Variants in RPTOR observed in about 807,000 individuals in gnomAD.
RPTOR encodes regulatory associated protein of MTOR complex 1.
RPTOR carries 21 observed loss-of-function variants against 169.9 expected under a neutral mutation model. The observed-to-expected ratio is 0.12, with a 90% CI of 0.09 to 0.18. RPTOR has a LOEUF of 0.18. Ranked by LOEUF, RPTOR falls within the 10% of genes least tolerant of loss-of-function variation. RPTOR has a pLI of 1.00. For missense variants in RPTOR, 1,133 were observed against 1,855.9 expected (o/e 0.61, Z 7.16); for synonymous variants, 732 against 753.2 (o/e 0.97, Z 0.46).
rs146194437 is a variant in RPTOR at position 80,843,043 on chromosome 17, T to C, written c.1213-3430T>C. On this transcript the variant is annotated intron_variant, in intron 10 of 33. Coordinates refer to ENST00000306801, the MANE Select transcript of RPTOR (RefSeq NM_020761.3). Reference sequence around the variant, plus strand: ...AAGCTGGTAGACTAAGTCCCACAACTTCGTTTTTTTCCCCGAGTTTGCCTC... The same window carrying C: ...AAGCTGGTAGACTAAGTCCCACAACCTCGTTTTTTTCCCCGAGTTTGCCTC... 5.1e-3 allele frequency among the ~76,000 whole-genome samples: 771 copies of C among 152,314 alleles called. 12 individuals are homozygous for C. The highest frequency in any genetic ancestry group is 0.04 in the East Asian group (206 of 5,190).
intron 13 of RPTOR, among the ~76,000 whole-genome samples, chr17:80,877,484 T>A (rs117216288): frequency 0.061 from 9,290 of 152,324 alleles, 392 homozygotes; most frequent in Non-Finnish European, 0.096. Context: ...CACATCTAAG[T>A]TCTCCCACCC....
In RPTOR at chr17:80,685,641, T is replaced by TA. The variant is rs1371230762; in HGVS notation, c.349-22200_349-22199insA. 2.6e-4 allele frequency among the ~76,000 whole-genome samples: 24 copies of TA among 93,412 alleles called. 1 individual carries two copies. The highest frequency in any genetic ancestry group is 7.3e-4 in the East Asian group (2 of 2,742). 61.3% of individuals were successfully genotyped at this position (93,412 alleles called of 152,430 possible). ...TATATATATATATTTTTTTTTTTTT[T>TA]TTTTTTTTTTTTTTTTGCTGTGAAT... On this transcript the variant is annotated intron_variant, in intron 3 of 33. Transcript: ENST00000306801.
rs573363095 is a variant in RPTOR, at chr17:80,708,923, G to A, written c.507+924G>A. The A allele has an allele frequency of 4.7e-5, 46 of 985,652 alleles. No individual in the cohort carries two copies. In the Middle Eastern group the frequency reaches 2.6e-3, roughly 56 times the overall value. The allele number at this position is 985,652 out of a possible 1,614,324, so 61.1% of individuals were successfully genotyped here. A position where few individuals can be genotyped will look rare whatever the true frequency, so the allele number is the denominator to read the frequency against. On this transcript the variant is annotated intron_variant, in intron 4 of 33. Transcript: ENST00000306801. The surrounding 1 kb of genome is among the most constrained non-coding windows in gnomAD (Gnocchi z 4.2). ...CTTCTGCTTCCTTAGTGTGGACACC[G>A]CCTCCTGCCATCATAGTGAGGACTC...
At chr17:80,932,146 C>CAT (rs57950527) in intron 24 of RPTOR, among the ~76,000 whole-genome samples, 3,103 of 145,854 alleles carry the variant, frequency 0.021, 110 homozygotes, top group African/African-American at 0.068. Context: ...TCCAGGCATG[C>CAT]ATATATATAT....
rs118178883 is a variant in RPTOR at position 80,790,879 on chromosome 17, G to A, written c.831-571G>A. 2.7e-4 allele frequency among the ~76,000 whole-genome samples: 41 copies of A among 152,306 alleles called. No individual in the cohort carries two copies. In the East Asian group the frequency reaches 7.9e-3, roughly 29 times the overall value. ...TGTATGCCAGTAGCCCGGATGGGAGGAGAGATGCTTTCCTACCTCCTGTTG... is the reference window on the plus strand; with the variant it reads ...TGTATGCCAGTAGCCCGGATGGGAGAAGAGATGCTTTCCTACCTCCTGTTG... On this transcript the variant is annotated intron_variant, in intron 6 of 33. Coordinates refer to ENST00000306801, the MANE Select transcript of RPTOR (RefSeq NM_020761.3).
chr17:80,758,649 C>T (rs1371953646), intron 6 of RPTOR, among the ~76,000 whole-genome samples: 1 of 152,126 alleles, frequency 6.6e-6, no homozygotes, highest in Non-Finnish European at 1.5e-5. Context: ...ACAGTGGACA[C>T]TGCCGAGAAA....
chr17:80,581,355 C>CA (rs2065011489), intron 1 of RPTOR, among the ~76,000 whole-genome samples: 1 of 152,236 alleles, frequency 6.6e-6, no homozygotes, highest in African/African-American at 2.4e-5. Context: ...AACATTTAGC[C>CA]ATTCCTGTGA....
chr17:80,764,129 T>C (rs1340000789), intron 6 of RPTOR, among the ~76,000 whole-genome samples: 2 of 66,344 alleles, frequency 3.0e-5, no homozygotes, highest in African/African-American at 1.1e-4. Flanking sequence ...TATTTTATTT[T>C]ATTTTATTTT....
chr17:80,675,514 G>A (rs1190937846), intron 3 of RPTOR, among the ~76,000 whole-genome samples: 1 of 152,186 alleles, frequency 6.6e-6, no homozygotes, highest in African/African-American at 2.4e-5. Context: ...CTTGCTCTGC[G>A]TCTGCAGCCC....
chr17:80,770,387 T>G lies in RPTOR; in HGVS notation c.830+16202T>G, dbSNP rs572413332. On this transcript the variant is annotated intron_variant, in intron 6 of 33. Coordinates refer to ENST00000306801, the MANE Select transcript of RPTOR (RefSeq NM_020761.3). ...AGCCCTCTGGGAAATGAAAGCCTGT[T>G]TGAGAAGACATGTTCGTATCTCAGC... is the stretch of plus-strand genomic sequence containing the variant. 3.9e-5 allele frequency among the ~76,000 whole-genome samples: 6 copies of G among 152,326 alleles called. No homozygotes were observed. The East Asian group carries it at 1.2e-3, about 29-fold the overall frequency.
chr17:80,800,636 G>A (rs1469212608), intron 7 of RPTOR, among the ~76,000 whole-genome samples: 1 of 152,204 alleles, frequency 6.6e-6, no homozygotes. Context: ...TGTTGCTGCT[G>A]CAGTACATAT....
chr17:80,900,007 AG>A (rs1255635724), intron 20 of RPTOR, among the ~76,000 whole-genome samples: 1 of 152,154 alleles, frequency 6.6e-6, no homozygotes, highest in East Asian at 1.9e-4. Context: ...GGGGCACAAA[AG>A]TACAGAACAG....
rs2084511315 is a variant in RPTOR at position 80,562,455 on chromosome 17, T to G, written c.162+16664T>G. Among the ~76,000 whole-genome samples, 1 of 152,130 alleles carries G rather than the reference T, an allele frequency of 6.6e-6. No individual in the cohort carries two copies. Among genetic ancestry groups the G allele is most frequent in the Non-Finnish European group, 1.5e-5 (1 of 68,022 alleles). ...ACAGTGAGCATCTTTTAGTTTGATGTTTTCTTGGAGAGCTTTTTATTTTAT... is the reference window on the plus strand; with the variant it reads ...ACAGTGAGCATCTTTTAGTTTGATGGTTTCTTGGAGAGCTTTTTATTTTAT... On this transcript the variant is annotated intron_variant, in intron 1 of 33. Transcript: ENST00000306801. This position sits in a 1 kb window ranked among gnomAD's most constrained non-coding sequence, Gnocchi z 4.4.
At chr17:80,735,556 T>G (rs1429997589) in intron 5 of RPTOR, among the ~76,000 whole-genome samples, 1 of 152,216 alleles carries the variant, frequency 6.6e-6, no homozygotes, top group African/African-American at 2.4e-5. Context: ...TCCGTCAGTT[T>G]CTTCTAGAGG....
At chr17:80,949,321 C>G (rs1423480107) in intron 27 of RPTOR, 122 bp from the exon 28 acceptor site, 1 of 821,880 alleles carries the variant, frequency 1.2e-6, no homozygotes, top group African/African-American at 1.7e-5. Context: ...GGTAGTGAGT[C>G]AGGCTGGCCG....
Position 80,710,775 on chromosome 17 carries a change from A to G in RPTOR, c.507+2776A>G, listed in dbSNP as rs367609710. Among the ~76,000 whole-genome samples the G allele has an allele frequency of 1.8e-4, 28 of 152,288 alleles. No homozygotes were observed. In the East Asian group the frequency reaches 4.2e-3, roughly 23 times the overall value. On this transcript the variant is annotated intron_variant, in intron 4 of 33. Coordinates refer to ENST00000306801, the MANE Select transcript of RPTOR (RefSeq NM_020761.3). Reference sequence around the variant, plus strand: ...TCAGTTTGCAGCCATTTTGTTTCATATATTAAATCTGTGTTCGTGAGTGAG... The same window carrying G: ...TCAGTTTGCAGCCATTTTGTTTCATGTATTAAATCTGTGTTCGTGAGTGAG...
chr17:80,583,593 C>T (rs1568318659), intron 1 of RPTOR, among the ~76,000 whole-genome samples: 1 of 152,130 alleles, frequency 6.6e-6, no homozygotes, highest in Non-Finnish European at 1.5e-5. Context: ...GGCCCAGCAC[C>T]TATGCTCCCG....
At chr17:80,807,537 A>G (rs1180585742) in intron 7 of RPTOR, among the ~76,000 whole-genome samples, 5 of 152,320 alleles carry the variant, frequency 3.3e-5, no homozygotes, top group African/African-American at 1.2e-4. Context: ...TTTTTAGTAC[A>G]GACAGGGTTT....
intron 32 of RPTOR, 76 bp downstream of exon 32, chr17:80,962,653 TC>T (rs1321842763): frequency 4.3e-5 from 59 of 1,361,942 alleles, no homozygotes; most frequent in Non-Finnish European, 5.6e-5. Context: ...GCTCTTGTGT[TC>T]CTGCCCCCAG....
Sources: allele counts gnomAD v4.1 joint callset (sites outside exome capture counted in the v4.1 genomes callset), GRCh38; gene constraint gnomAD v4.1.1; non-coding constraint Gnocchi (gnomAD v3.1); transcripts MANE v1.5; gene names NCBI Gene and HGNC (gene_info 2026-07-23, HGNC 2026-07-21).